The following OGDH variants were observed in gnomAD, a reference collection of about 807,000 sequenced individuals.
The protein encoded by OGDH is 2-oxoglutarate dehydrogenase complex component E1.
Under a neutral mutation model 116.6 loss-of-function variants are expected in OGDH, and 38 were observed. The ratio of observed to expected loss-of-function variants is 0.33; its 90% CI spans 0.25 to 0.43. The LOEUF (loss-of-function observed/expected upper bound fraction) is 0.43. Ranked by LOEUF, OGDH falls within the 20% of genes least tolerant of loss-of-function variation. OGDH has a pLI of 1.00. For missense variants in OGDH, 825 were observed against 1,357.2 expected (o/e 0.61, Z 6.16); for synonymous variants, 488 against 533.3 (o/e 0.92, Z 1.17).
intron 2 of OGDH, among the ~76,000 whole-genome samples, chr7:44,637,291 C>CGG (rs1785713222): frequency 6.6e-6 from 1 of 152,198 alleles, no homozygotes; most frequent in South Asian, 2.1e-4. Flanking sequence ...GTGGGCCCCT[C>CGG]CTCAGAGCAT....
chr7:44,647,813 C>T (rs1384813887), intron 4 of OGDH, 54 bp downstream of exon 4: 36 of 1,370,988 alleles, frequency 2.6e-5, no homozygotes, highest in East Asian at 1.8e-4. Flanking sequence ...CGCTGTGCCA[C>T]GACCTGTGGT....
intron 1 of OGDH, among the ~76,000 whole-genome samples, chr7:44,611,928 TTTA>T (rs1400488773): frequency 2.6e-5 from 4 of 152,154 alleles, no homozygotes; most frequent in South Asian, 2.1e-4. Context: ...AATGTTTTTT[TTTA>T]TTATTATGCT....
Position 44,691,981 on chromosome 7 carries a change from T to TAAAAAAAAAAAA in OGDH, c.1336-1831_1336-1820dup, listed in dbSNP as rs371665967. Among the ~76,000 whole-genome samples the TAAAAAAAAAAAA allele has an allele frequency of 2.0e-4, 21 of 102,604 alleles. 1 individual carries two copies. The highest frequency in any genetic ancestry group is 7.9e-4 in the African/African-American group (18 of 22,756). The allele number at this position is 102,604 out of a possible 152,430, so 67.3% of individuals were successfully genotyped here. On this transcript the variant is annotated intron_variant, in intron 10 of 22. Transcript: ENST00000222673. ...TGGGAGTCACAATGAGACTCTGTCT[T>TAAAAAAAAAAAA]AAAAAAAAAAAAAAAAAAAAAAAAG...
Position 44,671,434 on chromosome 7 carries a change from T to G in OGDH, c.634-2353T>G, listed in dbSNP as rs71548240. 4.9e-3 allele frequency among the ~76,000 whole-genome samples: 753 copies of G among 152,254 alleles called. 6 individuals are homozygous for G. Among genetic ancestry groups the G allele is most frequent in the Non-Finnish European group, 8.1e-3 (548 of 68,006 alleles). ...TTCCAACATTGGGGATCAAATTTCA[T>G]CAGGAGGTTTGTGGGGGAACAAACG... On this transcript the variant is annotated intron_variant, in intron 5 of 22. Transcript: ENST00000222673.
In OGDH at chr7:44,707,419, C is replaced by T; in HGVS notation, c.2796+31C>T. The stretch of plus-strand genomic sequence containing the variant: ...GGCAGGTGGTGCCATCAGGGTGTCC[C>T]CCCAGCGGGGGTCAGGGCTCTGGTG... On this transcript the variant is annotated intron_variant, in intron 21 of 22. Transcript: ENST00000222673. The surrounding 1 kb of genome is among the most constrained non-coding windows in gnomAD (Gnocchi z 5.2). 6.2e-7 allele frequency: 1 copy of T among 1,612,830 alleles called. No individual in the cohort carries two copies. The highest frequency in any genetic ancestry group is 8.5e-7 in the Non-Finnish European group (1 of 1,179,266).
rs770066516 is a variant in OGDH at position 44,675,241 on chromosome 7, C to T, written c.999C>T (p.Phe333=). ...AGCTGGAACAGATCTTCTGTCAATT[C>T]GATTCAAAGCTGGAGGCAGCTGATG... is the stretch of plus-strand genomic sequence containing the variant. ...RKELEQIFCQ[F]DSKLEAADEG... Residue 333 remains phenylalanine (F), a synonymous_variant, in exon 8 of 23, where the codon TTC becomes TTT. Coordinates refer to ENST00000222673, the MANE Select transcript of OGDH (RefSeq NM_002541.4). 8.7e-6 allele frequency: 14 copies of T among 1,614,012 alleles called. No homozygotes were observed. Among genetic ancestry groups the T allele is most frequent in the African/African-American group, 5.3e-5 (4 of 74,928 alleles).
chr7:44,644,253 A>G (rs1319843245), intron 2 of OGDH, among the ~76,000 whole-genome samples: 3 of 152,238 alleles, frequency 2.0e-5, no homozygotes, highest in African/African-American at 7.2e-5. Context: ...TTCTTTTTAC[A>G]ATGAACTTTT....
intron 2 of OGDH, among the ~76,000 whole-genome samples, chr7:44,640,350 T>C (rs926663653): frequency 6.6e-6 from 1 of 152,198 alleles, no homozygotes; most frequent in African/African-American, 2.4e-5. Context: ...GGGAATATGA[T>C]TGACATTCCA....
intron 20 of OGDH, among the ~76,000 whole-genome samples, chr7:44,702,661 C>T (rs1788887075): frequency 6.6e-6 from 1 of 152,092 alleles, no homozygotes; most frequent in Non-Finnish European, 1.5e-5. Flanking sequence ...GGCACAATCT[C>T]GACTCACTGC....
At chr7:44,638,258 G>A (rs957317305) in intron 2 of OGDH, among the ~76,000 whole-genome samples, 1 of 152,054 alleles carries the variant, frequency 6.6e-6, no homozygotes, top group African/African-American at 2.4e-5. Context: ...GTGTGGAGCT[G>A]GGCACACCCA....
chr7:44,699,690 T>C (rs924671685), intron 18 of OGDH, among the ~76,000 whole-genome samples: 1 of 152,174 alleles, frequency 6.6e-6, no homozygotes, highest in Non-Finnish European at 1.5e-5. Flanking sequence ...CTTGTGTTGC[T>C]ATAAAGAAAA....
intron 1 of OGDH, among the ~76,000 whole-genome samples, chr7:44,618,783 G>A (rs151281698): frequency 2.0e-5 from 3 of 152,198 alleles, no homozygotes; most frequent in Non-Finnish European, 4.4e-5. Context: ...TCTTGGAGCC[G>A]GCAATAAAGA....
At chr7:44,695,449 G>A (rs1436285464) in intron 12 of OGDH, among the ~76,000 whole-genome samples, 1 of 152,104 alleles carries the variant, frequency 6.6e-6, no homozygotes, top group African/African-American at 2.4e-5. Flanking sequence ...GCTCATGCCT[G>A]TAATTGCAGC....
chr7:44,664,301 A>C (rs1787085975), intron 4 of OGDH, among the ~76,000 whole-genome samples: 1 of 152,200 alleles, frequency 6.6e-6, no homozygotes, highest in South Asian at 2.1e-4. Flanking sequence ...ATTACCTCCC[A>C]GAGAGAAGGA....
At chr7:44,696,258 A>G in intron 13 of OGDH, 131 bp downstream of exon 13, 1 of 1,043,992 alleles carries the variant, frequency 9.6e-7, no homozygotes, top group Non-Finnish European at 1.4e-6. Context: ...CATTTCAGCA[A>G]AGCCCCCTGC....
intron 4 of OGDH, among the ~76,000 whole-genome samples, chr7:44,652,267 C>G (rs1334559418): frequency 6.6e-6 from 1 of 152,034 alleles, no homozygotes; most frequent in Non-Finnish European, 1.5e-5. Flanking sequence ...CACCACCATG[C>G]CCAGCTAATT....
intron 10 of OGDH, among the ~76,000 whole-genome samples, chr7:44,691,443 G>T (rs1049357560): frequency 1.8e-4 from 27 of 149,220 alleles, no homozygotes; most frequent in African/African-American, 6.4e-4. Context: ...GAGGCAGGAG[G>T]ATTGCTTGAG....
chr7:44,655,532 C>CT (rs1281651727), intron 4 of OGDH, among the ~76,000 whole-genome samples: 1 of 152,238 alleles, frequency 6.6e-6, no homozygotes, highest in African/African-American at 2.4e-5. Context: ...TGACAGCACT[C>CT]TGAGTGCTCA....
intron 2 of OGDH, among the ~76,000 whole-genome samples, chr7:44,635,705 TA>T (rs1785637446): frequency 1.3e-5 from 2 of 151,570 alleles, no homozygotes; most frequent in Admixed American, 6.6e-5. Context: ...AAGGACTTTA[TA>T]ATTTTTTTTT....
Sources: gnomAD v4.1 joint callset for allele counts (sites outside exome capture counted in the v4.1 genomes callset) on GRCh38, gnomAD v4.1.1 for gene constraint, Gnocchi (gnomAD v3.1) non-coding constraint, MANE v1.5 for transcripts, NCBI Gene and HGNC (gene_info 2026-07-23, HGNC 2026-07-21) for gene names.